Variants in MAP1B observed in about 807,000 individuals in gnomAD.
MAP1B encodes the protein microtubule associated protein 1B.
MAP1B carries 12 observed loss-of-function variants against 176.1 expected under a neutral mutation model. That is an observed-to-expected ratio of 0.07 (90% CI 0.04 to 0.11). The LOEUF (loss-of-function observed/expected upper bound fraction) is 0.11. Among genes scored for constraint, MAP1B ranks in the 10% least tolerant of loss-of-function variants. The pLI, the probability that MAP1B is intolerant of heterozygous loss-of-function variation, is 1.00. For missense variants in MAP1B, 2,523 were observed against 2,990.5 expected (o/e 0.84, Z 3.65); for synonymous variants, 1,044 against 1,135.0 (o/e 0.92, Z 1.61).
At chr5:72,201,895 A>T (rs964274665) in intron 5 of MAP1B, among the ~76,000 whole-genome samples, 1 of 152,332 alleles carries the variant, frequency 6.6e-6, no homozygotes, top group African/African-American at 2.4e-5. Context: ...AAACCACCAG[A>T]TAATTAACCC....
intron 2 of MAP1B, among the ~76,000 whole-genome samples, chr5:72,136,494 T>C (rs1745839283): frequency 2.0e-5 from 3 of 152,294 alleles, no homozygotes; most frequent in South Asian, 4.1e-4. Flanking sequence ...CCAAGACTTG[T>C]CCTCATCTCT....
chr5:72,188,071 T>C (rs1210161871), intron 4 of MAP1B, among the ~76,000 whole-genome samples: 1 of 152,220 alleles, frequency 6.6e-6, no homozygotes, highest in Non-Finnish European at 1.5e-5. Flanking sequence ...AGTTCACGCA[T>C]CTTGCCTCAT....
intron 5 of MAP1B, among the ~76,000 whole-genome samples, chr5:72,201,683 C>T (rs1747336689): frequency 6.6e-6 from 1 of 152,094 alleles, no homozygotes; most frequent in Admixed American, 6.5e-5. Flanking sequence ...ATAACATTGC[C>T]CTGATTTATT....
chr5:72,107,503 C>T lies in MAP1B; in HGVS notation c.-29C>T, dbSNP rs1246046069. The T allele has an allele frequency of 4.6e-6, 7 of 1,531,908 alleles. No homozygotes were observed. Among genetic ancestry groups the T allele is most frequent in the Non-Finnish European group, 4.4e-6 (5 of 1,141,038 alleles). 94.9% of individuals were successfully genotyped at this position (1,531,908 alleles called of 1,614,324 possible). ...GTGGAGAGGAGCGGCCGGAGCGAGA[C>T]ACTTCGCCGAGGCACAGCAGCCGGC... is the stretch of plus-strand genomic sequence containing the variant. On this transcript the variant is annotated 5_prime_UTR_variant, in exon 1 of 7. Coordinates refer to ENST00000296755, the MANE Select transcript of MAP1B (RefSeq NM_005909.5).
In MAP1B at chr5:72,198,602, T is replaced by G; in HGVS notation, c.5247T>G (p.Thr1749=). Residue 1749 remains threonine (T), a synonymous_variant, in exon 5 of 7, where the codon ACT becomes ACG. Coordinates refer to ENST00000296755, the MANE Select transcript of MAP1B (RefSeq NM_005909.5). ...TCGCTTCTCCTCTCCAAGAAGATAC[T>G]CTATCCGATGTTGCTCCTCCCAGAG... ...SQIASPLQED[T]LSDVAPPRDM... The G allele has an allele frequency of 6.2e-7, 1 of 1,614,150 alleles. No homozygotes were observed. Among genetic ancestry groups the G allele is most frequent in the Non-Finnish European group, 8.5e-7 (1 of 1,180,030 alleles).
chr5:72,208,697 G>A lies in MAP1B; in HGVS notation c.*3458G>A, dbSNP rs1178719491. 1.3e-5 allele frequency: 2 copies of A among 152,132 alleles called. No homozygotes were observed. The highest frequency in any genetic ancestry group is 1.9e-4 in the East Asian group (1 of 5,198). The allele number at this position is 152,132 out of a possible 1,614,324, so 9.4% of individuals were successfully genotyped here. A position where few individuals can be genotyped will look rare whatever the true frequency, so the allele number is the denominator to read the frequency against. ...CTCCAATAGCTTATGCAGTCTAGGA[G>A]CTTTCCAATACTCATTTAATTAAGA... On this transcript the variant is annotated 3_prime_UTR_variant, in exon 7 of 7. Coordinates refer to ENST00000296755, the MANE Select transcript of MAP1B (RefSeq NM_005909.5).
chr5:72,120,800 A>G (rs3101187), intron 2 of MAP1B, among the ~76,000 whole-genome samples: 19,532 of 152,220 alleles, frequency 0.13, 1,356 homozygotes, highest in East Asian at 0.27. Context: ...GTCACATGGA[A>G]ACAAATGTGA....
At chr5:72,112,411 CT>C (rs766222770) in intron 1 of MAP1B, among the ~76,000 whole-genome samples, 61 of 152,304 alleles carry the variant, frequency 4.0e-4, no homozygotes, top group Non-Finnish European at 7.5e-4. Flanking sequence ...GATTGGAAAA[CT>C]TGGAACAATC....
rs1253791241 is a variant in MAP1B, at chr5:72,199,410, G to A, written c.6055G>A (p.Glu2019Lys). The change falls in exon 5 of 7, where the codon GAG becomes AAG. Residue 2019 changes from glutamate to lysine, a missense_variant. By Grantham distance (56) the Glu-to-Lys change is moderately conservative. Coordinates refer to ENST00000296755, the MANE Select transcript of MAP1B (RefSeq NM_005909.5). The surrounding 1 kb of genome is among the most constrained non-coding windows in gnomAD (Gnocchi z 4.2). ...ETTEKITSFP[E>K]SEGYSYETST... is the part of the protein sequence containing the mutation. ...CACTGAGAAAATTACCAGTTTCCCT[G>A]AGTCTGAAGGTTATTCCTATGAGAC... 6.2e-7 allele frequency: 1 copy of A among 1,613,942 alleles called. No individual in the cohort carries two copies. Among genetic ancestry groups the A allele is most frequent in the Non-Finnish European group, 8.5e-7 (1 of 1,180,036 alleles).
rs754169143 is a variant in MAP1B, at chr5:72,194,881, A to T, written c.1526A>T (p.Asp509Val). The change falls in exon 5 of 7, where the codon GAC (aspartate) becomes GTC (valine). Residue 509 changes from aspartate to valine, a missense_variant. Coordinates refer to ENST00000296755, the MANE Select transcript of MAP1B (RefSeq NM_005909.5). The surrounding 1 kb of genome is among the most constrained non-coding windows in gnomAD (Gnocchi z 7.2). ...LEGLEKLKHL[D>V]FLKQPLATQK... is the part of the protein sequence containing the mutation. ...GGGTTGGAAAAGCTCAAACATCTAG[A>T]CTTTCTGAAGCAGCCACTGGCCACC... 6.2e-7 allele frequency: 1 copy of T among 1,614,100 alleles called. No homozygotes were observed. Among genetic ancestry groups the T allele is most frequent in the Non-Finnish European group, 8.5e-7 (1 of 1,179,994 alleles).
chr5:72,127,570 A>G (rs1468319342), intron 2 of MAP1B, among the ~76,000 whole-genome samples: 1 of 152,176 alleles, frequency 6.6e-6, no homozygotes, highest in East Asian at 1.9e-4. Flanking sequence ...ACAAACCTCC[A>G]CATTTTGCAC....
At chr5:72,179,476 C>T (rs1013724292) in intron 2 of MAP1B, among the ~76,000 whole-genome samples, 4 of 152,228 alleles carry the variant, frequency 2.6e-5, no homozygotes, top group South Asian at 2.1e-4. Context: ...ATGCCTGGCC[C>T]GTTTCCCAGT....
chr5:72,135,609 T>C (rs1469221619), intron 2 of MAP1B, among the ~76,000 whole-genome samples: 6 of 152,216 alleles, frequency 3.9e-5, no homozygotes, highest in Non-Finnish European at 7.3e-5. Context: ...TGAATTTTTC[T>C]TGGGAGTTTT....
chr5:72,160,883 T>C (rs114506479), intron 2 of MAP1B, among the ~76,000 whole-genome samples: 28 of 152,214 alleles, frequency 1.8e-4, no homozygotes, highest in African/African-American at 6.7e-4. Flanking sequence ...GGCCTCAAAG[T>C]GTTACCTGGA....
At chr5:72,178,015 T>C (rs1746686153) in intron 2 of MAP1B, among the ~76,000 whole-genome samples, 1 of 152,152 alleles carries the variant, frequency 6.6e-6, no homozygotes. Flanking sequence ...TCATTTTTTA[T>C]TTTTTGAGGC....
chr5:72,148,670 T>A (rs972109469), intron 2 of MAP1B, among the ~76,000 whole-genome samples: 4 of 152,162 alleles, frequency 2.6e-5, no homozygotes, highest in Non-Finnish European at 5.9e-5. Context: ...ACCGAGGAGA[T>A]GTTGAGGTGG....
intron 2 of MAP1B, among the ~76,000 whole-genome samples, chr5:72,173,886 G>A (rs1474792751): frequency 2.6e-5 from 4 of 152,188 alleles, no homozygotes; most frequent in African/African-American, 9.7e-5. Flanking sequence ...ACAGTACTTT[G>A]GGAGGCCAAG....
chr5:72,200,365 C>T lies in MAP1B; in HGVS notation c.7010C>T (p.Ala2337Val). ...TCCAAGTCGGCCAAGACCGCCACTGCAGGTAGGTTGAGAAGGCTGGGCATT... is the reference window on the plus strand; with the variant it reads ...TCCAAGTCGGCCAAGACCGCCACTGTAGGTAGGTTGAGAAGGCTGGGCATT... ...SASKSAKTATAGPGTTKTTKS... is the reference protein window; with the variant it reads ...SASKSAKTATVGPGTTKTTKS... Residue 2337 changes from alanine (A) to valine (V), a missense_variant and splice_region_variant, in exon 5 of 7, where the codon GCA (alanine) becomes GTA (valine). Physicochemically the swap from Ala to Val is moderately conservative, Grantham distance 64 (BLOSUM62 0). Transcript: ENST00000296755. 2 of 1,612,940 alleles carry T rather than the reference C, an allele frequency of 1.2e-6. No individual in the cohort carries two copies. The highest frequency in any genetic ancestry group is 1.7e-6 in the Non-Finnish European group (2 of 1,179,468).
chr5:72,166,230 A>G (rs1746425207), intron 2 of MAP1B, among the ~76,000 whole-genome samples: 2 of 152,178 alleles, frequency 1.3e-5, no homozygotes, highest in Non-Finnish European at 2.9e-5. Context: ...CTCCTAGAGT[A>G]ATAGCTTCTG....
Sources: allele counts gnomAD v4.1 joint callset (sites outside exome capture counted in the v4.1 genomes callset), GRCh38; gene constraint gnomAD v4.1.1; non-coding constraint Gnocchi (gnomAD v3.1); transcripts MANE v1.5; gene names NCBI Gene and HGNC (gene_info 2026-07-23, HGNC 2026-07-21).